Variants in SLC47A2 observed in about 807,000 individuals in gnomAD.
SLC47A2 encodes the protein multidrug and toxin extrusion protein 2.
In SLC47A2, 52 loss-of-function variants were observed where a neutral mutation model predicts 67.7. That is an observed-to-expected ratio of 0.77 (90% CI 0.61 to 0.97). SLC47A2 has a LOEUF of 0.97. Among genes scored for constraint, SLC47A2 ranks in the 50% least tolerant of loss-of-function variants. SLC47A2 has a pLI of 0.00. For missense variants in SLC47A2, 676 were observed against 712.3 expected (o/e 0.95, Z 0.58); for synonymous variants, 278 against 292.9 (o/e 0.95, Z 0.52).
intron 13 of SLC47A2, among the ~76,000 whole-genome samples, chr17:19,682,219 C>T (rs2085329575): frequency 6.6e-6 from 1 of 151,848 alleles, no homozygotes; most frequent in South Asian, 2.1e-4. Context: ...AAAAATTAGC[C>T]AGGCAAGGTG....
intron 13 of SLC47A2, among the ~76,000 whole-genome samples, chr17:19,682,213 A>AT (rs1360558614): frequency 1.3e-5 from 2 of 151,952 alleles, no homozygotes; most frequent in Non-Finnish European, 2.9e-5. Context: ...AAATACAAAA[A>AT]TTAGCCAGGC....
chr17:19,696,178 T>C (rs913101759), intron 13 of SLC47A2, among the ~76,000 whole-genome samples: 4 of 150,898 alleles, frequency 2.7e-5, no homozygotes, highest in Admixed American at 2.0e-4. Flanking sequence ...TTGGGCCTGG[T>C]GCGGTGGCTC....
chr17:19,681,541 T>G lies in SLC47A2; in HGVS notation c.1294A>C (p.Met432Leu). The change falls in exon 14 of 17, where the codon ATG (methionine) becomes CTG (leucine). Residue 432 changes from methionine (M) to leucine (L), a missense_variant. Coordinates refer to ENST00000433844, the MANE Select transcript of SLC47A2 (RefSeq NM_001099646.3). Reference protein sequence around the residue: ...LLTFVVRMRIMGLWLGMLACV... With the variant: ...LLTFVVRMRILGLWLGMLACV... ...CCGACTTCCTCACACCACATACCCATGATTCTCATTCTGACCACAAAGGTC... is the reference window on the plus strand; with the variant it reads ...CCGACTTCCTCACACCACATACCCAGGATTCTCATTCTGACCACAAAGGTC... 8.7e-6 allele frequency: 14 copies of G among 1,614,140 alleles called. No individual in the cohort carries two copies. The highest frequency in any genetic ancestry group is 1.2e-5 in the Non-Finnish European group (14 of 1,180,020).
chr17:19,709,961 A>C (rs964565360), intron 5 of SLC47A2, among the ~76,000 whole-genome samples: 1 of 152,170 alleles, frequency 6.6e-6, no homozygotes, highest in Non-Finnish European at 1.5e-5. Flanking sequence ...CCAGAAAAAA[A>C]TCTGTAACCA....
rs1180012036 is a variant in SLC47A2 at position 19,706,631 on chromosome 17, CA to C, written c.841+16del. 6.4e-7 allele frequency: 1 copy of C among 1,565,874 alleles called. No individual in the cohort carries two copies. The highest frequency in any genetic ancestry group is 1.4e-5 in the African/African-American group (1 of 71,888). On this transcript the variant is annotated intron_variant, in intron 9 of 16. Coordinates refer to ENST00000433844, the MANE Select transcript of SLC47A2 (RefSeq NM_001099646.3). ...GCCGCCCACACGCCATTGCGCCCCCCATCCTCTTCCACGTACCCATGAGGAA... is the reference window on the plus strand; with the variant it reads ...GCCGCCCACACGCCATTGCGCCCCCCTCCTCTTCCACGTACCCATGAGGAA...
intron 4 of SLC47A2, among the ~76,000 whole-genome samples, chr17:19,713,390 GTAATAA>G (rs34354818): frequency 0.014 from 2,072 of 148,718 alleles, 41 homozygotes; most frequent in East Asian, 0.047. Context: ...TCTGTCTCAA[GTAATAA>G]TAATAATAAT....
chr17:19,715,168 AAC>A lies in SLC47A2; in HGVS notation c.171_172del (p.Phe58LeufsTer35). ...CTCCACCTTGCCCAGGTGCCCGCAG[AAC>A]ACAGTGCTCACGATGTAGATCATAA... is the stretch of plus-strand genomic sequence containing the variant. On this transcript the variant is annotated frameshift_variant, in exon 2 of 17. Coordinates refer to ENST00000433844, the MANE Select transcript of SLC47A2 (RefSeq NM_001099646.3). LOFTEE classifies it high-confidence loss of function. The A allele has an allele frequency of 1.2e-6, 2 of 1,612,412 alleles. No homozygotes were observed. The highest frequency in any genetic ancestry group is 1.7e-6 in the Non-Finnish European group (2 of 1,180,014).
intron 11 of SLC47A2, among the ~76,000 whole-genome samples, chr17:19,703,534 A>T (rs2085845126): frequency 6.6e-6 from 1 of 152,180 alleles, no homozygotes; most frequent in Admixed American, 6.5e-5. Context: ...CTCCAAGGGG[A>T]TTCCAGCGCA....
intron 4 of SLC47A2, 66 bp from the exon 5 acceptor site, chr17:19,712,811 CT>C: frequency 6.6e-7 from 1 of 1,504,416 alleles, no homozygotes; most frequent in Non-Finnish European, 9.2e-7. Flanking sequence ...GCCCTCTCCC[CT>C]GTGTCCTCCA....
chr17:19,684,120 C>G (rs936561240), intron 13 of SLC47A2, among the ~76,000 whole-genome samples: 6 of 152,062 alleles, frequency 3.9e-5, no homozygotes, highest in African/African-American at 1.4e-4. Context: ...GCTATGTTAC[C>G]CTGGCTGGTC....
At chr17:19,716,709 G>A, upstream of SLC47A2, 6 of 1,159,288 alleles carry the variant, frequency 5.2e-6, no homozygotes, top group African/African-American at 1.6e-5. Context: ...CTTGTGGGAT[G>A]AGCCCTGCCT....
rs1408511736 is a variant in SLC47A2, at chr17:19,679,975, G to A, written c.1457C>T (p.Pro486Leu). Residue 486 changes from proline to leucine, a missense_variant, in exon 16 of 17, where the codon CCT becomes CTT. Transcript: ENST00000433844. ...ACCTGAAGATAGGACTGCTTTCTCAGGCCCAGGTCTGGTTGCAGTGCTCTC... is the reference window on the plus strand; with the variant it reads ...ACCTGAAGATAGGACTGCTTTCTCAAGCCCAGGTCTGGTTGCAGTGCTCTC... Reference protein sequence around the residue: ...RAESTATRPGPEKAVLSSVAT... With the variant: ...RAESTATRPGLEKAVLSSVAT... 3 of 1,613,822 alleles carry A rather than the reference G, an allele frequency of 1.9e-6. No individual in the cohort carries two copies. Among genetic ancestry groups the A allele is most frequent in the African/African-American group, 2.7e-5 (2 of 74,884 alleles).
chr17:19,715,041 A>G, intron 2 of SLC47A2, 75 bp downstream of exon 2: 1 of 1,505,652 alleles, frequency 6.6e-7, no homozygotes, highest in African/African-American at 1.4e-5. Context: ...GCCACCCAAG[A>G]CGGGCCCACC....
intron 13 of SLC47A2, among the ~76,000 whole-genome samples, chr17:19,690,385 C>T (rs2085514401): frequency 6.6e-6 from 1 of 151,978 alleles, no homozygotes. Context: ...GAATAATACC[C>T]CCAAAGCACA....
rs555066604 is a variant in SLC47A2, at chr17:19,685,851, GATATAA to G, written c.1165-4187_1165-4182del. 7.4e-4 allele frequency among the ~76,000 whole-genome samples: 113 copies of G among 152,298 alleles called. 1 individual carries two copies. The highest frequency in any genetic ancestry group is 2.6e-3 in the African/African-American group (107 of 41,560). On this transcript the variant is annotated intron_variant, in intron 13 of 16. Coordinates refer to ENST00000433844, the MANE Select transcript of SLC47A2 (RefSeq NM_001099646.3). The surrounding 1 kb of genome is among the most constrained non-coding windows in gnomAD (Gnocchi z 4.5). ...AACTACTTTTCAAGACATAGTGTAA[GATATAA>G]ATAGAAACAACAAAGTTAAGAAACA...
rs1328101709 is a variant in SLC47A2 at position 19,678,331 on chromosome 17, A to G, written c.*355T>C. 4.3e-6 allele frequency: 1 copy of G among 233,818 alleles called. No homozygotes were observed. The highest frequency in any genetic ancestry group is 8.6e-6 in the Non-Finnish European group (1 of 116,536). 14.5% of individuals were successfully genotyped at this position (233,818 alleles called of 1,614,324 possible). A position where few individuals can be genotyped will look rare whatever the true frequency, so the allele number is the denominator to read the frequency against. On this transcript the variant is annotated 3_prime_UTR_variant, in exon 17 of 17. Coordinates refer to ENST00000433844, the MANE Select transcript of SLC47A2 (RefSeq NM_001099646.3). Reference sequence around the variant, plus strand: ...AGCAGGCTGTGCCCAGGAAATGTGTAATCTTTAATATAACAGTGGTTTTTG... The same window carrying G: ...AGCAGGCTGTGCCCAGGAAATGTGTGATCTTTAATATAACAGTGGTTTTTG...
At chr17:19,708,543 C>T (rs375493647) in intron 6 of SLC47A2, 144 bp from the exon 7 acceptor site, 126 of 1,611,206 alleles carry the variant, frequency 7.8e-5, no homozygotes, top group Non-Finnish European at 1.0e-4. Flanking sequence ...GACGCACAGC[C>T]TCTCACCTGC....
At chr17:19,693,756 C>T (rs1283412745) in intron 13 of SLC47A2, among the ~76,000 whole-genome samples, 1 of 152,092 alleles carries the variant, frequency 6.6e-6, no homozygotes, top group East Asian at 1.9e-4. Context: ...CAAGATCGCG[C>T]CATTGCTCTC....
chr17:19,688,797 A>G (rs925093509), intron 13 of SLC47A2, among the ~76,000 whole-genome samples: 1 of 151,054 alleles, frequency 6.6e-6, no homozygotes, highest in Non-Finnish European at 1.5e-5. Flanking sequence ...ACTTCAAATG[A>G]TCTGTTCACC....
Sources: allele counts gnomAD v4.1 joint callset (sites outside exome capture counted in the v4.1 genomes callset), GRCh38; gene constraint gnomAD v4.1.1; non-coding constraint Gnocchi (gnomAD v3.1); transcripts MANE v1.5; gene names NCBI Gene and HGNC (gene_info 2026-07-23, HGNC 2026-07-21).